The following CD164L2 variants were observed in gnomAD, a reference collection of about 807,000 sequenced individuals.
CD164L2 encodes CD164 molecule like 2.
Under a neutral mutation model 23.9 loss-of-function variants are expected in CD164L2, and 21 were observed. The observed-to-expected ratio is 0.88, with a 90% CI of 0.62 to 1.27. The LOEUF (loss-of-function observed/expected upper bound fraction) is 1.27. Ranked by LOEUF, CD164L2 falls within the 50% of genes most tolerant of loss-of-function variation. CD164L2 has a pLI of 0.00. For synonymous variants in CD164L2, 92 were observed against 90.2 expected (o/e 1.02, Z -0.11); for missense variants, 230 against 224.8 (o/e 1.02, Z -0.15).
At position 27,383,187 on chromosome 1, in the gene CD164L2, C is replaced by A; in HGVS notation, c.53G>T (p.Cys18Phe). The A allele has an allele frequency of 6.5e-7, 1 of 1,547,856 alleles. No homozygotes were observed. The highest frequency in any genetic ancestry group is 1.2e-5 in the South Asian group (1 of 83,988). ...CAGCTGGGCACATAGGAGGAGGCAG[C>A]AACAGCCGCCACAGAGCGCAGTCCG... Reference protein sequence around the residue: ...ALRTALCGGCCCLLLCAQLAV... With the variant: ...ALRTALCGGCFCLLLCAQLAV... The change falls in exon 1 of 6, where the codon TGC becomes TTC. Residue 18 changes from cysteine to phenylalanine, a missense_variant. Physicochemically the swap from Cys to Phe is radical, Grantham distance 205. Coordinates refer to ENST00000374030, the MANE Select transcript of CD164L2 (RefSeq NM_001330448.1).
chr1:27,380,011 A>G (rs2504777), intron 5 of CD164L2, 40 bp downstream of exon 5: 1,602,480 of 1,605,682 alleles, frequency 1, 799,689 homozygotes, highest in East Asian at 1. Context: ...ACCAGGAGGT[A>G]AGCTGGGACT....
chr1:27,382,113 C>A, intron 3 of CD164L2: 1 of 1,495,110 alleles, frequency 6.7e-7, no homozygotes, highest in Non-Finnish European at 9.0e-7. Context: ...GAAGAGCTAA[C>A]ACTCCCATCC....
intron 4 of CD164L2, among the ~76,000 whole-genome samples, chr1:27,380,669 C>T (rs559836767): frequency 6.6e-6 from 1 of 152,344 alleles, no homozygotes; most frequent in African/African-American, 2.4e-5. Context: ...CCTAAGACCT[C>T]AGTGTCACCC....
In CD164L2 at chr1:27,382,395, G is replaced by A. The variant is rs966337205; in HGVS notation, c.261C>T (p.His87=). ...WEQCRPEEPG[H]CVAQSEVVKE... The stretch of plus-strand genomic sequence containing the variant: ...TGACCACCTCAGATTGGGCCACACA[G>A]TGTCCTGGTGAGAGAAGGTGCAGGG... Residue 87 remains histidine (H), a synonymous_variant, in exon 3 of 6, where the codon CAC becomes CAT. Coordinates refer to ENST00000374030, the MANE Select transcript of CD164L2 (RefSeq NM_001330448.1). 3.1e-6 allele frequency: 5 copies of A among 1,605,052 alleles called. No homozygotes were observed. The highest frequency in any genetic ancestry group is 4.3e-6 in the Non-Finnish European group (5 of 1,173,180).
chr1:27,380,254 C>G, intron 4 of CD164L2, 59 bp from the exon 5 acceptor site: 1 of 1,520,186 alleles, frequency 6.6e-7, no homozygotes, highest in Non-Finnish European at 9.0e-7. Flanking sequence ...GATCCCAGTC[C>G]TACCCTCATA....
Position 27,382,671 on chromosome 1 carries a change from G to C in CD164L2, c.89-4C>G. On this transcript the variant is annotated splice_polypyrimidine_tract_variant and splice_region_variant and intron_variant, in intron 1 of 5. Transcript: ENST00000374030. The stretch of plus-strand genomic sequence containing the variant: ...CCAAAGCCTCGAGCTCCTTTACCTG[G>C]TAGTGCGGTGGAGTGGGAAGGGAGA... 1 of 1,607,354 alleles carries C rather than the reference G, an allele frequency of 6.2e-7. No individual in the cohort carries two copies. Among genetic ancestry groups the C allele is most frequent in the Non-Finnish European group, 8.5e-7 (1 of 1,177,148 alleles).
Position 27,383,203 on chromosome 1 carries a change from G to A in CD164L2, c.37C>T (p.Leu13Phe), listed in dbSNP as rs1442993142. The A allele has an allele frequency of 3.9e-6, 6 of 1,547,790 alleles. No homozygotes were observed. Among genetic ancestry groups the A allele is most frequent in the Non-Finnish European group, 2.6e-6 (3 of 1,146,806 alleles). Reference sequence around the variant, plus strand: ...AGGAGGCAGCAACAGCCGCCACAGAGCGCAGTCCGCAAGGCGCGGGGTCCC... The same window carrying A: ...AGGAGGCAGCAACAGCCGCCACAGAACGCAGTCCGCAAGGCGCGGGGTCCC... ...APGPRALRTA[L>F]CGGCCCLLLC... The change falls in exon 1 of 6, where the codon CTC becomes TTC. Residue 13 changes from leucine to phenylalanine, a missense_variant. Leu to Phe is a conservative substitution (Grantham distance 22, BLOSUM62 0). Transcript: ENST00000374030.
chr1:27,382,106 G>A, intron 3 of CD164L2: 2 of 1,490,136 alleles, frequency 1.3e-6, no homozygotes, highest in Non-Finnish European at 1.8e-6. Context: ...ACTAGAAGAA[G>A]AGCTAACACT....
Position 27,379,498 on chromosome 1 carries a change from A to T in CD164L2, c.*5T>A. The T allele has an allele frequency of 6.5e-7, 1 of 1,550,362 alleles. No individual in the cohort carries two copies. The highest frequency in any genetic ancestry group is 1.7e-4 in the Middle Eastern group (1 of 5,988). On this transcript the variant is annotated 3_prime_UTR_variant, in exon 6 of 6. Transcript: ENST00000374030. ...CCCTCAGGATGGAGTCCAGGCCCAA[A>T]GGGGTCAGATTCTGCAGAGGCCAAA...
At chr1:27,382,125 C>T (rs1194815772) in intron 3 of CD164L2, 15 of 1,514,084 alleles carry the variant, frequency 9.9e-6, no homozygotes, top group African/African-American at 6.9e-5. Context: ...CTCCCATCCC[C>T]TCCACACACC....
chr1:27,379,274 G>T lies in CD164L2; in HGVS notation c.*229C>A, dbSNP rs931820883. The T allele has an allele frequency of 8.3e-6, 5 of 598,944 alleles. No individual in the cohort carries two copies. The highest frequency in any genetic ancestry group is 7.4e-5 in the African/African-American group (4 of 53,908). 37.1% of individuals were successfully genotyped at this position (598,944 alleles called of 1,614,324 possible). ...TGTCAGGCTGGGGGGCCCAGCAGGG[G>T]CGATGGAGGAGACGAGGTGGTTGAG... On this transcript the variant is annotated 3_prime_UTR_variant, in exon 6 of 6. Coordinates refer to ENST00000374030, the MANE Select transcript of CD164L2 (RefSeq NM_001330448.1).
Position 27,383,257 on chromosome 1 carries a change from G to C in CD164L2, c.-18C>G, listed in dbSNP as rs893583709. On this transcript the variant is annotated 5_prime_UTR_variant, in exon 1 of 6. Transcript: ENST00000374030. ...GCCTCCATGGGCTCGCGGGGTGGGG[G>C]TGGCCGGGGGCGGTGGCCGGGATCG... is the stretch of plus-strand genomic sequence containing the variant. 1 of 1,510,786 alleles carries C rather than the reference G, an allele frequency of 6.6e-7. No individual in the cohort carries two copies. Among genetic ancestry groups the C allele is most frequent in the African/African-American group, 1.4e-5 (1 of 72,142 alleles). 93.6% of individuals were successfully genotyped at this position (1,510,786 alleles called of 1,614,324 possible). A position where few individuals can be genotyped will look rare whatever the true frequency, so the allele number is the denominator to read the frequency against.
chr1:27,382,173 G>A (rs1189564227), intron 3 of CD164L2, 155 bp downstream of exon 3: 6 of 1,567,538 alleles, frequency 3.8e-6, no homozygotes, highest in South Asian at 2.3e-5. Flanking sequence ...GCAGAGAGAG[G>A]AGGGGACTTC....
At position 27,379,396 on chromosome 1, in the gene CD164L2, C is replaced by T. The variant is rs756573545; in HGVS notation, c.*107G>A. The T allele has an allele frequency of 1.9e-5, 20 of 1,080,580 alleles. No individual in the cohort carries two copies. Among genetic ancestry groups the T allele is most frequent in the South Asian group, 6.8e-5 (5 of 73,686 alleles). 66.9% of individuals were successfully genotyped at this position (1,080,580 alleles called of 1,614,324 possible). On this transcript the variant is annotated 3_prime_UTR_variant, in exon 6 of 6. Transcript: ENST00000374030. ...GGTGCCCGCAGGAGCCAAAAACTGGCGGCCAGAGTTTTTCCCGCCCCCGCC... is the reference window on the plus strand; with the variant it reads ...GGTGCCCGCAGGAGCCAAAAACTGGTGGCCAGAGTTTTTCCCGCCCCCGCC...
Position 27,380,136 on chromosome 1 carries a change from C to T in CD164L2, c.433G>A (p.Gly145Ser), listed in dbSNP as rs2016310721. Residue 145 changes from glycine (G) to serine (S), a missense_variant, in exon 5 of 6, where the codon GGT becomes AGT. Transcript: ENST00000374030. Reference protein sequence around the residue: ...PGFDGASFIGGVVLVLSLQAV... With the variant: ...PGFDGASFIGSVVLVLSLQAV... Reference sequence around the variant, plus strand: ...TGTAGGCTCAACACCAGCACGACACCTCCGATAAAGCTGGCCCCGTCAAAT... The same window carrying T: ...TGTAGGCTCAACACCAGCACGACACTTCCGATAAAGCTGGCCCCGTCAAAT... The T allele has an allele frequency of 1.9e-6, 3 of 1,614,144 alleles. No homozygotes were observed. Among genetic ancestry groups the T allele is most frequent in the Non-Finnish European group, 2.5e-6 (3 of 1,180,004 alleles).
Position 27,379,305 on chromosome 1 carries a change from T to C in CD164L2, c.*198A>G, listed in dbSNP as rs2016294320. 1.6e-6 allele frequency: 1 copy of C among 614,806 alleles called. No homozygotes were observed. Among genetic ancestry groups the C allele is most frequent in the African/African-American group, 1.8e-5 (1 of 54,196 alleles). The allele number at this position is 614,806 out of a possible 1,614,324, so 38.1% of individuals were successfully genotyped here. On this transcript the variant is annotated 3_prime_UTR_variant, in exon 6 of 6. Transcript: ENST00000374030. ...GAGGAGACGAGGTGGTTGAGGGATTTTCTCAGCTGCAGGTTCCAGGCCCAG... is the reference window on the plus strand; with the variant it reads ...GAGGAGACGAGGTGGTTGAGGGATTCTCTCAGCTGCAGGTTCCAGGCCCAG...
chr1:27,380,302 T>C, intron 4 of CD164L2, 107 bp from the exon 5 acceptor site: 1 of 1,045,670 alleles, frequency 9.6e-7, no homozygotes, highest in East Asian at 2.4e-5. Context: ...GTCCTCAATA[T>C]GGGGTGCTTA....
At chr1:27,382,813 C>A (rs1451291938) in intron 1 of CD164L2, 146 bp from the exon 2 acceptor site, 3 of 868,280 alleles carry the variant, frequency 3.5e-6, no homozygotes, top group Non-Finnish European at 5.2e-6. Flanking sequence ...CAAGCCCCAG[C>A]GCACACCTGG....
rs1268402935 is a variant in CD164L2, at chr1:27,383,312, G to T, written c.-73C>A. ...ACAGCTGCCGGGCGCGTCCCTCCCA[G>T]ACTGGGCTCGGCTGAGCGTGTGCGG... is the stretch of plus-strand genomic sequence containing the variant. On this transcript the variant is annotated 5_prime_UTR_variant, in exon 1 of 6. In the 5' UTR this introduces an upstream ATG that the reference lacks. Coordinates refer to ENST00000374030, the MANE Select transcript of CD164L2 (RefSeq NM_001330448.1). 4.0e-6 allele frequency: 4 copies of T among 999,374 alleles called. No individual in the cohort carries two copies. Among genetic ancestry groups the T allele is most frequent in the Non-Finnish European group, 5.9e-6 (4 of 674,422 alleles). The allele number at this position is 999,374 out of a possible 1,614,324, so 61.9% of individuals were successfully genotyped here.
Sources: allele counts gnomAD v4.1 joint callset (sites outside exome capture counted in the v4.1 genomes callset), GRCh38; gene constraint gnomAD v4.1.1; transcripts MANE v1.5; gene names NCBI Gene and HGNC (gene_info 2026-07-23, HGNC 2026-07-21).